Variants in JPH3 observed in about 807,000 individuals in gnomAD.
JPH3 encodes junctophilin 3.
Under a neutral mutation model 59.6 loss-of-function variants are expected in JPH3, and 11 were observed. The ratio of observed to expected loss-of-function variants is 0.18; its 90% CI spans 0.12 to 0.31. The LOEUF is 0.31. Among genes scored for constraint, JPH3 ranks in the 10% least tolerant of loss-of-function variants. The pLI, the probability that JPH3 is intolerant of heterozygous loss-of-function variation, is 1.00. For missense variants in JPH3, 1,202 were observed against 1,105.7 expected, an observed-to-expected ratio of 1.09 and a Z score of -1.24; for synonymous variants, 673 against 483.6, an observed-to-expected ratio of 1.39 and a Z score of -5.14.
At chr16:87,666,184 A>G in intron 2 of JPH3, among the ~76,000 whole-genome samples, 1 of 146,596 alleles carries the variant, frequency 6.8e-6, no homozygotes, top group Non-Finnish European at 1.5e-5. Flanking sequence ...TGCCTCCCTG[A>G]TTTAAGCAGT....
chr16:87,614,768 G>T (rs144434251), intron 1 of JPH3, among the ~76,000 whole-genome samples: 6,002 of 140,414 alleles, frequency 0.043, 122 homozygotes, highest in Non-Finnish European at 0.062. Flanking sequence ...GCTGGTCCCT[G>T]CACACACGAG....
chr16:87,626,745 G>T (rs1385321325), intron 1 of JPH3, among the ~76,000 whole-genome samples: 1 of 152,262 alleles, frequency 6.6e-6, no homozygotes, highest in African/African-American at 2.4e-5. Flanking sequence ...AAGGGGAAGT[G>T]GCGGGAGCGG....
At chr16:87,640,187 G>A (rs1328389305) in intron 1 of JPH3, among the ~76,000 whole-genome samples, 1 of 151,816 alleles carries the variant, frequency 6.6e-6, no homozygotes, top group East Asian at 2.0e-4. Context: ...AAATTAGCTG[G>A]GTGTGGTGGT....
chr16:87,668,062 C>T (rs905700663), intron 2 of JPH3, among the ~76,000 whole-genome samples: 19 of 152,190 alleles, frequency 1.2e-4, no homozygotes, highest in South Asian at 2.1e-4. Context: ...CTGGGGATCC[C>T]GCATCCTCTG....
intron 1 of JPH3, among the ~76,000 whole-genome samples, chr16:87,607,583 C>T (rs563559510): frequency 3.9e-5 from 6 of 152,358 alleles, no homozygotes; most frequent in East Asian, 3.9e-4. Context: ...GGCCTGTAAA[C>T]GGGGAGCTCA....
chr16:87,622,820 G>C (rs2031238579), intron 1 of JPH3, among the ~76,000 whole-genome samples: 1 of 152,178 alleles, frequency 6.6e-6, no homozygotes, highest in Admixed American at 6.5e-5. Context: ...GCTGGGGCTG[G>C]GGGGCTGGGG....
intron 1 of JPH3, among the ~76,000 whole-genome samples, chr16:87,622,731 A>G (rs2031233487): frequency 7.9e-6 from 1 of 126,822 alleles, no homozygotes; most frequent in Non-Finnish European, 1.9e-5. Context: ...TCCTCCTGAT[A>G]AATCAGACCC....
chr16:87,628,854 C>T lies in JPH3; in HGVS notation c.383-15404C>T, dbSNP rs141745943. On this transcript the variant is annotated intron_variant, in intron 1 of 4. Transcript: ENST00000284262. Reference sequence around the variant, plus strand: ...AGGTGTGGCTGGGAGGATGCTCAGTCACTCCCAATGTTCATTGGGAGTCAC... The same window carrying T: ...AGGTGTGGCTGGGAGGATGCTCAGTTACTCCCAATGTTCATTGGGAGTCAC... Among the ~76,000 whole-genome samples, 178 of 152,156 alleles carry T rather than the reference C, an allele frequency of 1.2e-3. 2 individuals are homozygous for T. Among genetic ancestry groups the T allele is most frequent in the African/African-American group, 4.1e-3 (171 of 41,504 alleles).
intron 1 of JPH3, among the ~76,000 whole-genome samples, chr16:87,633,722 C>G (rs1025109107): frequency 6.6e-6 from 1 of 151,992 alleles, no homozygotes; most frequent in East Asian, 1.9e-4. Flanking sequence ...TCGCTTAAAC[C>G]TGGGAGGCGG....
chr16:87,677,679 T>C (rs916350722), intron 2 of JPH3, among the ~76,000 whole-genome samples: 3 of 152,192 alleles, frequency 2.0e-5, no homozygotes, highest in Admixed American at 2.0e-4. Flanking sequence ...CCAGGGAGTC[T>C]GGAAAGCAGA....
chr16:87,679,094 G>T (rs2033221747), intron 2 of JPH3, among the ~76,000 whole-genome samples: 2 of 152,190 alleles, frequency 1.3e-5, no homozygotes, highest in South Asian at 4.1e-4. Flanking sequence ...GACCTGGGCA[G>T]TGGGGCCCCC....
chr16:87,614,922 C>T (rs1299637938), intron 1 of JPH3, among the ~76,000 whole-genome samples: 2 of 58,226 alleles, frequency 3.4e-5, no homozygotes, highest in African/African-American at 8.0e-5. Context: ...CCTGCACACA[C>T]GAGGAGCCGC....
Position 87,611,212 on chromosome 16 carries a change from T to A in JPH3, c.382+7684T>A, listed in dbSNP as rs2030720594. On this transcript the variant is annotated intron_variant, in intron 1 of 4. Transcript: ENST00000284262. This position sits in a 1 kb window ranked among gnomAD's most constrained non-coding sequence, Gnocchi z 4.5. Reference sequence around the variant, plus strand: ...TCTGAACAGGGATGCAAAACCGAGATATATGGAATAATTCAGGGTTTCTCA... The same window carrying A: ...TCTGAACAGGGATGCAAAACCGAGAAATATGGAATAATTCAGGGTTTCTCA... Among the ~76,000 whole-genome samples the A allele has an allele frequency of 6.6e-6, 1 of 152,130 alleles. No homozygotes were observed. The highest frequency in any genetic ancestry group is 6.5e-5 in the Admixed American group (1 of 15,280).
intron 4 of JPH3, among the ~76,000 whole-genome samples, chr16:87,691,732 T>C (rs1215351579): frequency 6.6e-6 from 1 of 152,132 alleles, no homozygotes; most frequent in African/African-American, 2.4e-5. Flanking sequence ...GTTCCTAAGA[T>C]GCCTCCCCGT....
At chr16:87,693,054 C>G (rs754119041) in intron 4 of JPH3, among the ~76,000 whole-genome samples, 42 of 152,252 alleles carry the variant, frequency 2.8e-4, no homozygotes, top group Non-Finnish European at 4.4e-5. Context: ...CCCGGCCCAA[C>G]CAAGTTGTCA....
At chr16:87,657,287 A>T (rs2032535107) in intron 2 of JPH3, among the ~76,000 whole-genome samples, 1 of 152,236 alleles carries the variant, frequency 6.6e-6, no homozygotes, top group South Asian at 2.1e-4. Flanking sequence ...AGAGAAAGTG[A>T]TGCTGAGTGA....
At chr16:87,643,742 T>C (rs1434458185) in intron 1 of JPH3, among the ~76,000 whole-genome samples, 1 of 152,168 alleles carries the variant, frequency 6.6e-6, no homozygotes, top group East Asian at 1.9e-4. Flanking sequence ...GATCTAGCCA[T>C]GAGAAGCAGG....
At position 87,644,929 on chromosome 16, in the gene JPH3, A is replaced by G. The variant is rs1327082980; in HGVS notation, c.1054A>G (p.Ile352Val). Residue 352 changes from isoleucine (I) to valine (V), a missense_variant, in exon 2 of 5, where the codon ATC (isoleucine) becomes GTC (valine). Coordinates refer to ENST00000284262, the MANE Select transcript of JPH3 (RefSeq NM_020655.4). ...CGTCGGCGGCAAGCGCAAGAACCTC[A>G]TCCCCCTGCGGGCCAGCAAGATCCG... ...ILVGGKRKNL[I>V]PLRASKIREK... 1 of 1,611,932 alleles carries G rather than the reference A, an allele frequency of 6.2e-7. No individual in the cohort carries two copies. Among genetic ancestry groups the G allele is most frequent in the South Asian group, 1.1e-5 (1 of 91,068 alleles).
chr16:87,608,454 C>T (rs1304258115), intron 1 of JPH3, among the ~76,000 whole-genome samples: 4 of 152,278 alleles, frequency 2.6e-5, no homozygotes, highest in Middle Eastern at 3.4e-3. Flanking sequence ...CCGCTTCCCC[C>T]GCTGGTAGCT....
Sources: allele counts gnomAD v4.1 joint callset (sites outside exome capture counted in the v4.1 genomes callset), GRCh38; gene constraint gnomAD v4.1.1; non-coding constraint Gnocchi (gnomAD v3.1); transcripts MANE v1.5; gene names NCBI Gene and HGNC (gene_info 2026-07-23, HGNC 2026-07-21).